Variants in ADD1 observed in about 807,000 individuals in gnomAD.
The protein encoded by ADD1 is alpha-adducin.
ADD1 carries 24 observed loss-of-function variants against 80.5 expected under a neutral mutation model. The observed-to-expected ratio is 0.30, with a 90% confidence interval of 0.22 to 0.42. The LOEUF (loss-of-function observed/expected upper bound fraction) is 0.42, where lower values mean the gene tolerates loss of function less well. ADD1 is among the 10% of genes least tolerant of loss of function. The probability of loss-of-function intolerance (pLI) is 1.00; values close to 1 mark genes in which losing one functional copy is unlikely to be tolerated. For missense variants in ADD1, 948 were observed against 1,019.0 expected (o/e 0.93, Z 0.95); for synonymous variants, 373 against 393.8 (o/e 0.95, Z 0.63).
chr4:2,910,779 C>T (rs1737886524), intron 13 of ADD1, among the ~76,000 whole-genome samples: 2 of 152,132 alleles, frequency 1.3e-5, no homozygotes, highest in African/African-American at 4.8e-5. Context: ...AGGTAGGGTC[C>T]GTACCTTCTG....
chr4:2,845,881 G>T (rs137984267), intron 1 of ADD1, among the ~76,000 whole-genome samples: 47 of 152,298 alleles, frequency 3.1e-4, no homozygotes, highest in Middle Eastern at 6.8e-3. Flanking sequence ...TAGATTGACT[G>T]CCCTTCCTTT....
rs190612951 is a variant in ADD1 at position 2,913,772 on chromosome 4, G to A, written c.1792-1112G>A. On this transcript the variant is annotated intron_variant, in intron 13 of 15. Transcript: ENST00000683351. ...GCTCTCCATCTCTGGTGTTCACTCC[G>A]CACTGAGAGCAGCACTGAAGGACCA... 1.7e-4 allele frequency among the ~76,000 whole-genome samples: 26 copies of A among 152,198 alleles called. No homozygotes were observed. The South Asian group carries it at 4.6e-3, about 27-fold the overall frequency.
intron 14 of ADD1, among the ~76,000 whole-genome samples, chr4:2,919,500 A>G (rs1296772611): frequency 6.6e-6 from 1 of 152,000 alleles, no homozygotes; most frequent in Non-Finnish European, 1.5e-5. Flanking sequence ...ATTTATTACT[A>G]CCTCAATATC....
intron 14 of ADD1, among the ~76,000 whole-genome samples, chr4:2,917,361 G>A (rs577629477): frequency 6.6e-6 from 1 of 152,130 alleles, no homozygotes; most frequent in East Asian, 1.9e-4. Context: ...TATATCCTTC[G>A]TCTGCTTTTT....
chr4:2,920,366 G>A (rs1201794397), intron 14 of ADD1, among the ~76,000 whole-genome samples: 1 of 152,212 alleles, frequency 6.6e-6, no homozygotes, highest in Non-Finnish European at 1.5e-5. Flanking sequence ...GTCCAGAGCT[G>A]AGTTCAAGTC....
At chr4:2,852,646 C>T in intron 1 of ADD1, among the ~76,000 whole-genome samples, 1 of 144,306 alleles carries the variant, frequency 6.9e-6, no homozygotes, top group Admixed American at 6.9e-5. Context: ...TCAGTGTCTT[C>T]TATTTTCTGT....
At chr4:2,919,579 C>G (rs952660146) in intron 14 of ADD1, among the ~76,000 whole-genome samples, 4 of 152,090 alleles carry the variant, frequency 2.6e-5, no homozygotes, top group African/African-American at 9.7e-5. Flanking sequence ...GTGTATGTAT[C>G]CAGGAATTTA....
intron 1 of ADD1, among the ~76,000 whole-genome samples, chr4:2,875,458 C>T (rs556913238): frequency 6.6e-6 from 1 of 152,166 alleles, no homozygotes; most frequent in Admixed American, 6.5e-5. Context: ...GGATCCTTTG[C>T]AAAACCACTG....
At chr4:2,924,579 T>C (rs1313584058) in intron 14 of ADD1, among the ~76,000 whole-genome samples, 2 of 152,226 alleles carry the variant, frequency 1.3e-5, no homozygotes, top group East Asian at 3.8e-4. Context: ...GCCGTCGTCA[T>C]CCTGGGAGCT....
rs1317767789 is a variant in ADD1, at chr4:2,907,514, G to A, written c.1507-229G>A. ...ATTCAGCTGGGCTTTCCAGATGGTG[G>A]TTTTCCATCAGTCATGACTTTGACT... On this transcript the variant is annotated intron_variant, in intron 10 of 15. Coordinates refer to ENST00000683351, the MANE Select transcript of ADD1 (RefSeq NM_001354761.2). 2.5e-5 allele frequency: 11 copies of A among 434,708 alleles called. No individual in the cohort carries two copies. In the East Asian group the frequency reaches 4.9e-4, roughly 19 times the overall value. The allele number at this position is 434,708 out of a possible 1,614,324, so 26.9% of individuals were successfully genotyped here.
intron 12 of ADD1, 73 bp downstream of exon 12, chr4:2,908,677 A>C (rs1201099799): frequency 1.6e-6 from 2 of 1,269,236 alleles, no homozygotes; most frequent in South Asian, 1.2e-5. Context: ...TTATTCTGAA[A>C]TTGAGAGAGT....
chr4:2,857,455 A>G (rs1728250158), intron 1 of ADD1, among the ~76,000 whole-genome samples: 1 of 152,088 alleles, frequency 6.6e-6, no homozygotes, highest in East Asian at 1.9e-4. Context: ...ATAAAATACA[A>G]AAATTAGCCG....
At chr4:2,900,784 GAC>G (rs1736046929) in intron 9 of ADD1, 1 of 152,224 alleles carries the variant, frequency 6.6e-6, no homozygotes, top group Non-Finnish European at 1.5e-5. Flanking sequence ...CTCAATCAGT[GAC>G]ACAGGGACGA....
chr4:2,863,002 A>G (rs1729024192), intron 1 of ADD1, among the ~76,000 whole-genome samples: 1 of 152,128 alleles, frequency 6.6e-6, no homozygotes, highest in Non-Finnish European at 1.5e-5. Context: ...TGACCCAACT[A>G]TAGAGACTTC....
intron 1 of ADD1, among the ~76,000 whole-genome samples, chr4:2,863,654 A>G (rs1729125959): frequency 6.6e-6 from 1 of 152,096 alleles, no homozygotes; most frequent in Non-Finnish European, 1.5e-5. Flanking sequence ...AACACTCTAA[A>G]TGCTTTCCAG....
intron 13 of ADD1, among the ~76,000 whole-genome samples, chr4:2,912,750 C>A (rs757442917): frequency 1.3e-5 from 2 of 152,154 alleles, no homozygotes; most frequent in Non-Finnish European, 2.9e-5. Context: ...TGGTCTCGAA[C>A]TCCTGGGCTC....
chr4:2,857,428 C>T (rs1023468570), intron 1 of ADD1, among the ~76,000 whole-genome samples: 5 of 151,894 alleles, frequency 3.3e-5, no homozygotes, highest in Admixed American at 6.6e-5. Flanking sequence ...GTGGGTAAAT[C>T]GAAACCCTGT....
chr4:2,852,186 CTTTCTTTCT>C (rs1727251234), intron 1 of ADD1, among the ~76,000 whole-genome samples: 1 of 40,302 alleles, frequency 2.5e-5, no homozygotes, highest in African/African-American at 9.9e-5. Flanking sequence ...TTCTTTCTTT[CTTTCTTTCT>C]TTCCTTTCTT....
At chr4:2,908,053 G>T (rs1182459030) in intron 11 of ADD1, among the ~76,000 whole-genome samples, 3 of 152,194 alleles carry the variant, frequency 2.0e-5, no homozygotes, top group African/African-American at 7.2e-5. Flanking sequence ...ATTGATTCTT[G>T]AACTGATGTT....
Sources: gnomAD v4.1 joint callset for allele counts (sites outside exome capture counted in the v4.1 genomes callset) on GRCh38, gnomAD v4.1.1 for gene constraint, MANE v1.5 for transcripts, NCBI Gene and HGNC (gene_info 2026-07-23, HGNC 2026-07-21) for gene names.